MROH7: variants seen among roughly 807,000 people sequenced by gnomAD.
MROH7 encodes maestro heat-like repeat-containing protein family member 7.
In MROH7, 113 loss-of-function variants were observed where a neutral mutation model predicts 129.2. The ratio of observed to expected loss-of-function variants is 0.87; its 90% confidence interval spans 0.75 to 1.02. MROH7 has a LOEUF of 1.02. Ranked by LOEUF, MROH7 falls within the 50% of genes least tolerant of loss-of-function variation. The probability of loss-of-function intolerance (pLI) is 0.00; values close to 1 mark genes in which losing one functional copy is unlikely to be tolerated. For missense variants in MROH7, 1,601 were observed against 1,671.3 expected, an observed-to-expected ratio of 0.96 and a Z score of 0.73; for synonymous variants, 655 against 667.9, an observed-to-expected ratio of 0.98 and a Z score of 0.30.
intron 13 of MROH7, 96 bp from the exon 14 acceptor site, chr1:54,682,560 T>C (rs1645087008): frequency 1.3e-5 from 16 of 1,234,182 alleles, no homozygotes; most frequent in South Asian, 4.3e-5. Flanking sequence ...TGCCATTTCA[T>C]TGGCATCTTA....
At chr1:54,708,447 TGAGG>T (rs1294655594) in intron 22 of MROH7, among the ~76,000 whole-genome samples, 2 of 112,210 alleles carry the variant, frequency 1.8e-5, no homozygotes, top group Admixed American at 8.1e-5. Flanking sequence ...CAAACAATAG[TGAGG>T]GAAGGAGCTT....
chr1:54,692,361 G>A, intron 15 of MROH7, 63 bp from the exon 16 acceptor site: 1 of 1,594,436 alleles, frequency 6.3e-7, no homozygotes, highest in Non-Finnish European at 8.6e-7. Context: ...GGCCGGGGTG[G>A]AGGGAGGCTT....
At chr1:54,671,544 C>A (rs558952222) in intron 7 of MROH7, among the ~76,000 whole-genome samples, 2 of 152,260 alleles carry the variant, frequency 1.3e-5, no homozygotes, top group East Asian at 3.9e-4. Flanking sequence ...TGAAGACAGA[C>A]TGGGGGAACT....
At chr1:54,693,640 C>G (rs1354611559) in intron 16 of MROH7, among the ~76,000 whole-genome samples, 1 of 152,100 alleles carries the variant, frequency 6.6e-6, no homozygotes, top group Non-Finnish European at 1.5e-5. Flanking sequence ...TAAAGCTCTT[C>G]CCCAGGCCAT....
In MROH7 at chr1:54,704,793, C is replaced by CTTTTTTTT. The variant is rs750428757; in HGVS notation, c.3565-1626_3565-1619dup. Among the ~76,000 whole-genome samples the CTTTTTTTT allele has an allele frequency of 4.9e-3, 333 of 67,826 alleles. 39 individuals carry two copies. The highest frequency in any genetic ancestry group is 0.026 in the East Asian group (43 of 1,654). The allele number at this position is 67,826 out of a possible 152,430, so 44.5% of individuals were successfully genotyped here. ...ACATGAATTAGCATTCAATGTAGCTCTTTTTTTTTTTTTTTTTTTTTTTGA... is the reference window on the plus strand; with the variant it reads ...ACATGAATTAGCATTCAATGTAGCTCTTTTTTTTTTTTTTTTTTTTTTTTTTTTTTTGA... On this transcript the variant is annotated intron_variant, in intron 21 of 23. Coordinates refer to ENST00000421030, the MANE Select transcript of MROH7 (RefSeq NM_001039464.4).
At chr1:54,646,408 G>A (rs1644468260) in intron 1 of MROH7, among the ~76,000 whole-genome samples, 1 of 152,176 alleles carries the variant, frequency 6.6e-6, no homozygotes, top group Non-Finnish European at 1.5e-5. Context: ...AGATCTGTGT[G>A]TCAGGCTTCT....
rs1188642737 is a variant in MROH7, at chr1:54,692,512, C to T, written c.2800C>T (p.Leu934Phe). 1.1e-5 allele frequency: 17 copies of T among 1,613,774 alleles called. No individual in the cohort carries two copies. Among genetic ancestry groups the T allele is most frequent in the Non-Finnish European group, 1.4e-5 (17 of 1,179,988 alleles). ...TCTGGAGGACCAGGGTGGCTGGGAGCTCATGGAGCAGGTGGAGAGCCACCA... is the reference window on the plus strand; with the variant it reads ...TCTGGAGGACCAGGGTGGCTGGGAGTTCATGGAGCAGGTGGAGAGCCACCA... The part of the protein sequence containing the change: ...TFLEDQGGWE[L>F]MEQVESHHRG... The change falls in exon 16 of 24, where the codon CTC (leucine) becomes TTC (phenylalanine). Residue 934 changes from leucine to phenylalanine, a missense_variant. Transcript: ENST00000421030.
chr1:54,699,781 C>G (rs1569988170), intron 17 of MROH7: 1 of 348,092 alleles, frequency 2.9e-6, no homozygotes, highest in East Asian at 4.6e-5. Context: ...CAGCTGTCGC[C>G]TCAGGAGGAA....
chr1:54,673,709 G>C lies in MROH7; in HGVS notation c.1704G>C (p.Gly568=). 1 of 1,613,734 alleles carries C rather than the reference G, an allele frequency of 6.2e-7. No homozygotes were observed. Among genetic ancestry groups the C allele is most frequent in the Non-Finnish European group, 8.5e-7 (1 of 1,179,612 alleles). ...TGCTTTTGATCCCACAGGCCCTGGG[G>C]CCTTGGATGAACTCTGGGAAGGCCC... ...AGLKSILEAL[G]PWMNSGKAHE... is the part of the protein sequence containing the mutation. Residue 568 remains glycine, a synonymous_variant, in exon 9 of 24, where the codon GGG becomes GGC. Coordinates refer to ENST00000421030, the MANE Select transcript of MROH7 (RefSeq NM_001039464.4).
chr1:54,653,188 G>C lies in MROH7; in HGVS notation c.262G>C (p.Ala88Pro). 1.9e-6 allele frequency: 3 copies of C among 1,614,224 alleles called. No homozygotes were observed. Among genetic ancestry groups the C allele is most frequent in the Non-Finnish European group, 2.5e-6 (3 of 1,180,044 alleles). ...ENTPRPDDSR[A>P]IAPASLQITS... ...CACCCCCAGACCTGATGACAGCAGA[G>C]CTATCGCTCCAGCCTCCCTCCAGAT... is the stretch of plus-strand genomic sequence containing the variant. Residue 88 changes from alanine (A) to proline (P), a missense_variant, in exon 3 of 24, where the codon GCT (alanine) becomes CCT (proline). Coordinates refer to ENST00000421030, the MANE Select transcript of MROH7 (RefSeq NM_001039464.4).
chr1:54,707,250 C>T (rs1238246292), intron 22 of MROH7, among the ~76,000 whole-genome samples: 1 of 152,226 alleles, frequency 6.6e-6, no homozygotes, highest in Non-Finnish European at 1.5e-5. Flanking sequence ...ACCCCTCCCT[C>T]CAAATAACCA....
Position 54,690,742 on chromosome 1 carries a change from G to A in MROH7, c.2712-1682G>A, listed in dbSNP as rs536878832. Among the ~76,000 whole-genome samples, 6 of 152,200 alleles carry A rather than the reference G, an allele frequency of 3.9e-5. No individual in the cohort carries two copies. The East Asian group carries it at 1.2e-3, about 29-fold the overall frequency. On this transcript the variant is annotated intron_variant, in intron 15 of 23. Coordinates refer to ENST00000421030, the MANE Select transcript of MROH7 (RefSeq NM_001039464.4). ...ACAGGCGTGAGCCACAGCACCTGGC[G>A]AATTCAGAAGTTTTGGCCTAAATAC...
intron 5 of MROH7, 46 bp downstream of exon 5, chr1:54,668,983 C>G (rs1644855128): frequency 7.2e-7 from 1 of 1,394,672 alleles, no homozygotes; most frequent in African/African-American, 1.4e-5. Flanking sequence ...TGGGAGGGGG[C>G]AGAATTCCTG....
chr1:54,686,207 T>G (rs1569949381), intron 14 of MROH7, 51 bp from the exon 15 acceptor site: 1 of 1,508,944 alleles, frequency 6.6e-7, no homozygotes, highest in Non-Finnish European at 9.0e-7. Flanking sequence ...CAGCCAGGAG[T>G]GCTGGGAAGA....
intron 3 of MROH7, among the ~76,000 whole-genome samples, chr1:54,660,525 G>T (rs1644715468): frequency 6.6e-6 from 1 of 152,080 alleles, no homozygotes; most frequent in Non-Finnish European, 1.5e-5. Context: ...TAAAAAAATT[G>T]TAGTCAGGCC....
intron 10 of MROH7, 43 bp downstream of exon 10, chr1:54,674,194 G>A: frequency 6.3e-7 from 1 of 1,592,154 alleles, no homozygotes; most frequent in South Asian, 1.1e-5. Context: ...CTTCTGAGTT[G>A]TTGCTCAGTC....
chr1:54,669,206 C>T (rs1409294667), intron 5 of MROH7, among the ~76,000 whole-genome samples: 4 of 152,176 alleles, frequency 2.6e-5, no homozygotes, highest in Non-Finnish European at 5.9e-5. Flanking sequence ...GAGGACACAA[C>T]CCAATGCTTA....
intron 3 of MROH7, among the ~76,000 whole-genome samples, chr1:54,654,578 C>T (rs753110040): frequency 2.0e-5 from 3 of 152,052 alleles, no homozygotes; most frequent in East Asian, 3.9e-4. Context: ...GAGGCTGAGG[C>T]GGGAGAATTG....
At chr1:54,692,302 C>G in intron 15 of MROH7, 122 bp from the exon 16 acceptor site, 1 of 1,234,072 alleles carries the variant, frequency 8.1e-7, no homozygotes, top group Non-Finnish European at 1.1e-6. Flanking sequence ...CACTGAATAC[C>G]CCTACCTAAA....
Sources: allele counts gnomAD v4.1 joint callset (sites outside exome capture counted in the v4.1 genomes callset), GRCh38; gene constraint gnomAD v4.1.1; transcripts MANE v1.5; gene names NCBI Gene and HGNC (gene_info 2026-07-23, HGNC 2026-07-21).